Variants in ERC2 observed in about 807,000 individuals in gnomAD.
ERC2 encodes ERC protein 2.
Under a neutral mutation model 114.8 loss-of-function variants are expected in ERC2, and 42 were observed. The observed-to-expected ratio is 0.37, with a 90% CI of 0.29 to 0.47. ERC2 has a LOEUF of 0.47. Ranked by LOEUF, ERC2 falls within the 20% of genes least tolerant of loss-of-function variation. The pLI, the probability that ERC2 is intolerant of heterozygous loss-of-function variation, is 0.99. For missense variants in ERC2, 939 were observed against 1,150.7 expected (o/e 0.82, Z 2.66); for synonymous variants, 454 against 425.5 (o/e 1.07, Z -0.82).
chr3:56,111,448 AC>A (rs766342586), intron 6 of ERC2, among the ~76,000 whole-genome samples: 19 of 150,846 alleles, frequency 1.3e-4, no homozygotes, highest in Non-Finnish European at 2.8e-4. Flanking sequence ...CCAAGAGTGC[AC>A]CTCCTCCTGC....
intron 2 of ERC2, among the ~76,000 whole-genome samples, chr3:56,361,388 C>A (rs1464596377): frequency 6.6e-6 from 1 of 152,060 alleles, no homozygotes; most frequent in Non-Finnish European, 1.5e-5. Context: ...AATTAAGGAT[C>A]CTCAATATTT....
chr3:55,969,304 A>T (rs1356950557), intron 12 of ERC2, among the ~76,000 whole-genome samples: 1 of 152,086 alleles, frequency 6.6e-6, no homozygotes, highest in South Asian at 2.1e-4. Flanking sequence ...GGAAAGAGAG[A>T]TCATGTGCTA....
chr3:55,872,403 A>G (rs2062627489), intron 14 of ERC2, among the ~76,000 whole-genome samples: 1 of 152,202 alleles, frequency 6.6e-6, no homozygotes, highest in Admixed American at 6.5e-5. Context: ...TTCTTAATTA[A>G]CCAAAATTAC....
intron 12 of ERC2, among the ~76,000 whole-genome samples, chr3:55,957,181 GCCCCACTAGCAAAA>G (rs2068020112): frequency 6.6e-6 from 1 of 151,974 alleles, no homozygotes; most frequent in South Asian, 2.1e-4. Flanking sequence ...GTAGCATCAG[GCCCCACTAGCAAAA>G]CCCTCCTTCA....
chr3:56,123,203 T>C (rs1386752899), intron 6 of ERC2, among the ~76,000 whole-genome samples: 1 of 152,144 alleles, frequency 6.6e-6, no homozygotes, highest in East Asian at 1.9e-4. Flanking sequence ...TGTTGAAATA[T>C]TAACCTCCAA....
chr3:56,396,952 G>T (rs953840166), intron 2 of ERC2, among the ~76,000 whole-genome samples: 2 of 151,686 alleles, frequency 1.3e-5, no homozygotes, highest in African/African-American at 2.4e-5. Flanking sequence ...CAAACTTAAC[G>T]ACTCCCTACC....
At chr3:55,624,064 C>T (rs191037177) in intron 17 of ERC2, among the ~76,000 whole-genome samples, 41 of 152,166 alleles carry the variant, frequency 2.7e-4, no homozygotes, top group African/African-American at 9.6e-4. Flanking sequence ...TCCAACAGCT[C>T]AAGAGAGAGG....
chr3:55,837,080 GCA>G (rs2060924129), intron 14 of ERC2, among the ~76,000 whole-genome samples: 1 of 152,162 alleles, frequency 6.6e-6, no homozygotes, highest in Admixed American at 6.5e-5. Context: ...AGTTAGAATG[GCA>G]ATCATTAAAA....
intron 17 of ERC2, among the ~76,000 whole-genome samples, chr3:55,517,483 T>C (rs2052609818): frequency 6.7e-6 from 1 of 149,116 alleles, no homozygotes; most frequent in Non-Finnish European, 1.5e-5. Flanking sequence ...ATCAAAAACC[T>C]AAATGTTTCC....
chr3:55,887,676 C>G (rs975100942), intron 14 of ERC2, among the ~76,000 whole-genome samples: 1 of 152,156 alleles, frequency 6.6e-6, no homozygotes, highest in Non-Finnish European at 1.5e-5. Flanking sequence ...GATGCTCTTT[C>G]ATTGTGAGAA....
chr3:56,122,276 T>C (rs1393478267), intron 6 of ERC2, among the ~76,000 whole-genome samples: 2 of 152,202 alleles, frequency 1.3e-5, no homozygotes, highest in Non-Finnish European at 2.9e-5. Flanking sequence ...GATTTCATTA[T>C]GTTGGGAAGA....
intron 1 of ERC2, among the ~76,000 whole-genome samples, chr3:56,459,524 A>T (rs59475691): frequency 1.5e-5 from 2 of 130,616 alleles, no homozygotes; most frequent in Admixed American, 7.3e-5. Context: ...TAATGCTATC[A>T]GACCACACAC....
At chr3:55,964,424 T>C (rs371285653) in intron 12 of ERC2, among the ~76,000 whole-genome samples, 1 of 150,314 alleles carries the variant, frequency 6.7e-6, no homozygotes, top group Non-Finnish European at 1.5e-5. Flanking sequence ...ACATAATAAC[T>C]AGGCCTAGAC....
chr3:55,675,414 C>T (rs543474358), intron 17 of ERC2, among the ~76,000 whole-genome samples: 56 of 152,242 alleles, frequency 3.7e-4, no homozygotes, highest in African/African-American at 1.2e-3. Flanking sequence ...AGTTAAGGTA[C>T]GTCTTGGTAA....
chr3:55,825,690 T>C (rs1451644977), intron 14 of ERC2, among the ~76,000 whole-genome samples: 1 of 152,198 alleles, frequency 6.6e-6, no homozygotes, highest in Non-Finnish European at 1.5e-5. Context: ...ATTTCAGCCA[T>C]CTCTCAAAAG....
chr3:56,437,526 T>C (rs1057296892), intron 1 of ERC2, among the ~76,000 whole-genome samples: 47 of 152,386 alleles, frequency 3.1e-4, no homozygotes, highest in African/African-American at 9.1e-4. Context: ...CTGTCACAGA[T>C]AGTGACACAT....
intron 3 of ERC2, among the ~76,000 whole-genome samples, chr3:56,236,541 A>G (rs2050959120): frequency 6.6e-6 from 1 of 152,190 alleles, no homozygotes; most frequent in Admixed American, 6.5e-5. Flanking sequence ...GAGAACTTGT[A>G]TCTTCACAGA....
chr3:56,122,734 G>C (rs2079648076), intron 6 of ERC2, among the ~76,000 whole-genome samples: 1 of 152,110 alleles, frequency 6.6e-6, no homozygotes, highest in Non-Finnish European at 1.5e-5. Flanking sequence ...TAATTTACCA[G>C]AGCAACGGGT....
chr3:56,364,111 T>A (rs1235223985), intron 2 of ERC2, among the ~76,000 whole-genome samples: 2 of 152,206 alleles, frequency 1.3e-5, no homozygotes, highest in Non-Finnish European at 1.5e-5. Flanking sequence ...ACATGTACAT[T>A]CACACTAAGT....
Sources: allele counts gnomAD v4.1 joint callset (sites outside exome capture counted in the v4.1 genomes callset), GRCh38; gene constraint gnomAD v4.1.1; transcripts MANE v1.5; gene names NCBI Gene and HGNC (gene_info 2026-07-23, HGNC 2026-07-21).